ZNF451: variants seen among roughly 807,000 people sequenced by gnomAD.
ZNF451 encodes zinc finger protein 451, also known as E3 SUMO-protein ligase ZNF451.
Under a neutral mutation model 107.1 loss-of-function variants are expected in ZNF451, and 80 were observed. That is an observed-to-expected ratio of 0.75 (90% CI 0.62 to 0.90). The LOEUF (loss-of-function observed/expected upper bound fraction) is 0.90. Ranked by LOEUF, ZNF451 falls within the 40% of genes least tolerant of loss-of-function variation. ZNF451 has a pLI of 0.00. For synonymous variants in ZNF451, 362 were observed against 406.5 expected (o/e 0.89, Z 1.32); for missense variants, 1,107 against 1,236.2 (o/e 0.90, Z 1.57).
intron 11 of ZNF451, 96 bp from the exon 12 acceptor site, chr6:57,152,125 G>T: frequency 1.5e-5 from 19 of 1,308,544 alleles, no homozygotes; most frequent in Non-Finnish European, 2.0e-5. Flanking sequence ...TTTGCCTCTA[G>T]AAAAATTTTT....
chr6:57,111,363 G>GT (rs1169228799), intron 3 of ZNF451, among the ~76,000 whole-genome samples: 6 of 137,092 alleles, frequency 4.4e-5, no homozygotes, highest in Admixed American at 7.1e-5. Context: ...TTACTGTGGG[G>GT]TTTTTTTGTT....
intron 5 of ZNF451, 56 bp from the exon 6 acceptor site, chr6:57,132,986 C>T: frequency 1.9e-6 from 3 of 1,577,678 alleles, no homozygotes; most frequent in Admixed American, 3.4e-5. Context: ...TGATCACTAG[C>T]CCAAAGGATA....
chr6:57,138,046 A>G (rs1017056190), intron 7 of ZNF451, among the ~76,000 whole-genome samples: 2 of 152,226 alleles, frequency 1.3e-5, no homozygotes, highest in Non-Finnish European at 2.9e-5. Context: ...GCTGTTACGA[A>G]CAATGCTTCT....
At chr6:57,106,814 ACC>A in intron 3 of ZNF451, 1 of 985,094 alleles carries the variant, frequency 1.0e-6, no homozygotes, top group Non-Finnish European at 1.2e-6. Context: ...AGATACACAA[ACC>A]AGTCTTTATT....
intron 3 of ZNF451, chr6:57,109,097 TC>T: frequency 1.0e-6 from 1 of 985,468 alleles, no homozygotes; most frequent in Admixed American, 6.1e-5. Flanking sequence ...ATTAACTAAT[TC>T]CTGATTATTT....
At position 57,124,858 on chromosome 6, in the gene ZNF451, G is replaced by A; in HGVS notation, c.311G>A (p.Arg104Lys). The part of the protein sequence containing the change: ...QQKEEKNRAF[R>K]EKIDFQHAHG... ...AAAGAAGAGAAGAATAGAGCATTCA[G>A]AGTATGTGCTATTTTAATTGGTATT... is the stretch of plus-strand genomic sequence containing the variant. The change falls in exon 4 of 15, where the codon AGA becomes AAA. Residue 104 changes from arginine (R) to lysine (K), a missense_variant and splice_region_variant. Arg to Lys is a conservative substitution (Grantham distance 26). Around this residue, in one of 5 missense-constraint regions of ZNF451, gnomAD observed 339 missense variants for 372.8 expected, o/e 0.91. Coordinates refer to ENST00000370706, the MANE Select transcript of ZNF451 (RefSeq NM_001031623.3). The A allele has an allele frequency of 6.4e-7, 1 of 1,572,552 alleles. No individual in the cohort carries two copies. The highest frequency in any genetic ancestry group is 8.6e-7 in the Non-Finnish European group (1 of 1,160,340).
At chr6:57,117,936 T>G (rs1326033603) in intron 3 of ZNF451, among the ~76,000 whole-genome samples, 1 of 152,326 alleles carries the variant, frequency 6.6e-6, no homozygotes, top group East Asian at 1.9e-4. Context: ...AAACATGGCC[T>G]TCTTCCTGTC....
intron 13 of ZNF451, among the ~76,000 whole-genome samples, chr6:57,159,859 T>A (rs942714172): frequency 1.3e-5 from 2 of 152,162 alleles, no homozygotes; most frequent in African/African-American, 4.8e-5. Flanking sequence ...TAATGTATAT[T>A]TTAAGTTTTT....
At chr6:57,151,093 G>T in intron 11 of ZNF451, 1 of 411,174 alleles carries the variant, frequency 2.4e-6, no homozygotes, top group Admixed American at 4.1e-5. Context: ...CGGGCGCGGT[G>T]GCTCACGTCT....
intron 3 of ZNF451, chr6:57,101,605 C>A: frequency 6.4e-7 from 1 of 1,550,820 alleles, no homozygotes; most frequent in South Asian, 1.2e-5. Flanking sequence ...CTATATGACT[C>A]AATATCAGCG....
chr6:57,122,473 A>T (rs1440237962), intron 3 of ZNF451, among the ~76,000 whole-genome samples: 1 of 152,228 alleles, frequency 6.6e-6, no homozygotes, highest in Non-Finnish European at 1.5e-5. Context: ...TTTGCAAAGT[A>T]TGCACCTGAC....
At position 57,166,270 on chromosome 6, in the gene ZNF451, C is replaced by T. The variant is rs556007513; in HGVS notation, c.3140-2153C>T. 5.3e-5 allele frequency among the ~76,000 whole-genome samples: 8 copies of T among 152,272 alleles called. No homozygotes were observed. The East Asian group carries it at 5.8e-4, about 11-fold the overall frequency. Reference sequence around the variant, plus strand: ...CTCGAACTACTGACCTCAGGTGATCCGCCCACCTTGGCCTTCCAAAGTACT... The same window carrying T: ...CTCGAACTACTGACCTCAGGTGATCTGCCCACCTTGGCCTTCCAAAGTACT... On this transcript the variant is annotated intron_variant, in intron 14 of 14. Transcript: ENST00000370706.
intron 3 of ZNF451, chr6:57,107,389 C>A: frequency 1.0e-6 from 1 of 984,520 alleles, no homozygotes; most frequent in South Asian, 4.7e-5. Flanking sequence ...CTAGTTTCTT[C>A]TAATGTCCCT....
chr6:57,128,691 G>A (rs1264455386), intron 4 of ZNF451, 38 bp from the exon 5 acceptor site: 1 of 1,395,894 alleles, frequency 7.2e-7, no homozygotes, highest in Non-Finnish European at 1.0e-6. Flanking sequence ...GGAAAACAGG[G>A]TAGTAATCTT....
At chr6:57,100,007 GGTT>G (rs1258077854) in intron 3 of ZNF451, among the ~76,000 whole-genome samples, 1 of 152,118 alleles carries the variant, frequency 6.6e-6, no homozygotes, top group Non-Finnish European at 1.5e-5. Flanking sequence ...TACCTCACAG[GGTT>G]GTTGTGAGGA....
intron 3 of ZNF451, chr6:57,116,616 G>C (rs1344946688): frequency 2.6e-5 from 4 of 152,092 alleles, no homozygotes; most frequent in African/African-American, 9.7e-5. Context: ...TCTTTTCCCA[G>C]TTTAAAACAT....
At chr6:57,158,509 C>A in intron 13 of ZNF451, 3 of 985,214 alleles carry the variant, frequency 3.0e-6, no homozygotes, top group Non-Finnish European at 3.6e-6. Context: ...GAATAAACAC[C>A]ATCTTTACAG....
chr6:57,147,583 T>A lies in ZNF451; in HGVS notation c.1498T>A (p.Cys500Ser). 1 of 1,614,122 alleles carries A rather than the reference T, an allele frequency of 6.2e-7. No homozygotes were observed. ...CTCAGCAAACACAATGGGTTATAAATGTGTGGTCTGTGGAAAGGTATGTGA... is the reference window on the plus strand; with the variant it reads ...CTCAGCAAACACAATGGGTTATAAAAGTGTGGTCTGTGGAAAGGTATGTGA... ...VFSANTMGYK[C>S]VVCGKVCDDS... The change falls in exon 10 of 15, where the codon TGT becomes AGT. Residue 500 changes from cysteine to serine, a missense_variant. Cys to Ser is a moderately radical substitution (Grantham distance 112). Coordinates refer to ENST00000370706, the MANE Select transcript of ZNF451 (RefSeq NM_001031623.3).
chr6:57,106,734 T>C (rs939521712), intron 3 of ZNF451: 2 of 985,188 alleles, frequency 2.0e-6, no homozygotes, highest in African/African-American at 3.5e-5. Context: ...AATAATTGAT[T>C]GTCTCATCTG....
Sources: allele counts gnomAD v4.1 joint callset (sites outside exome capture counted in the v4.1 genomes callset), GRCh38; gene constraint gnomAD v4.1.1; regional missense constraint gnomAD v4.1.1; transcripts MANE v1.5; gene names NCBI Gene and HGNC (gene_info 2026-07-23, HGNC 2026-07-21).